The following BMP7 variants were observed in gnomAD, a reference collection of about 807,000 sequenced individuals.
The protein encoded by BMP7 is osteogenic protein 1.
In BMP7, 12 loss-of-function variants were observed where a neutral mutation model predicts 41.2. The observed-to-expected ratio is 0.29, with a 90% CI of 0.19 to 0.47. BMP7 has a LOEUF of 0.47. BMP7 is among the 20% of genes least tolerant of loss of function. The pLI, the probability that BMP7 is intolerant of heterozygous loss-of-function variation, is 0.99. For missense variants in BMP7, 467 were observed against 606.0 expected, an observed-to-expected ratio of 0.77 and a Z score of 2.41; for synonymous variants, 248 against 250.0, an observed-to-expected ratio of 0.99 and a Z score of 0.07.
At chr20:57,186,348 C>G (rs1984211383) in intron 3 of BMP7, among the ~76,000 whole-genome samples, 1 of 152,212 alleles carries the variant, frequency 6.6e-6, no homozygotes, top group Non-Finnish European at 1.5e-5. Flanking sequence ...ATAGAGGGAG[C>G]AAACTCCGTG....
intron 2 of BMP7, among the ~76,000 whole-genome samples, chr20:57,217,903 CTG>C (rs1283969026): frequency 2.0e-5 from 3 of 152,204 alleles, no homozygotes; most frequent in Non-Finnish European, 2.9e-5. Flanking sequence ...TGTGCTGTGT[CTG>C]TGTCTGTGTT....
chr20:57,182,084 G>A (rs1330829203), intron 4 of BMP7, among the ~76,000 whole-genome samples: 1 of 152,202 alleles, frequency 6.6e-6, no homozygotes, highest in Non-Finnish European at 1.5e-5. Flanking sequence ...GAGCAAACTG[G>A]GCTCCTTGGA....
At position 57,171,058 on chromosome 20, in the gene BMP7, C is replaced by T. The variant is rs376461446; in HGVS notation, c.1197G>A (p.Thr399=). The change falls in exon 7 of 7, where the codon ACG becomes ACA. Residue 399 remains threonine, a synonymous_variant. Coordinates refer to ENST00000395863, the MANE Select transcript of BMP7 (RefSeq NM_001719.3). The surrounding 1 kb of genome is among the most constrained non-coding windows in gnomAD (Gnocchi z 4.5). ...ETVPKPCCAP[T]QLNAISVLYF... ...AGAGGACGGAGATGGCATTGAGCTGCGTGGGCGCACAGCAGGGCTTGGGCA... is the reference window on the plus strand; with the variant it reads ...AGAGGACGGAGATGGCATTGAGCTGTGTGGGCGCACAGCAGGGCTTGGGCA... 42 of 1,614,132 alleles carry T rather than the reference C, an allele frequency of 2.6e-5. No individual in the cohort carries two copies. The African/African-American group carries it at 5.2e-4, about 20-fold the overall frequency.
chr20:57,254,822 C>T (rs902004917), intron 1 of BMP7, among the ~76,000 whole-genome samples: 5 of 152,032 alleles, frequency 3.3e-5, no homozygotes, highest in Admixed American at 6.6e-5. Context: ...CTGGGACATA[C>T]GGAAAAAAAC....
At chr20:57,251,579 G>A (rs1044316819) in intron 1 of BMP7, among the ~76,000 whole-genome samples, 1 of 151,820 alleles carries the variant, frequency 6.6e-6, no homozygotes, top group African/African-American at 2.4e-5. Flanking sequence ...TGAACATGGA[G>A]GGGGGGCAGG....
chr20:57,244,048 C>G (rs1353818272), intron 1 of BMP7: 1 of 152,228 alleles, frequency 6.6e-6, no homozygotes, highest in Non-Finnish European at 1.5e-5. Flanking sequence ...ACTGACTCCA[C>G]TGGGCTGCCA....
chr20:57,249,373 C>T (rs962325566), intron 1 of BMP7, among the ~76,000 whole-genome samples: 1 of 152,066 alleles, frequency 6.6e-6, no homozygotes, highest in African/African-American at 2.4e-5. Context: ...AAGCAGTGAT[C>T]TGCTGCAACA....
At position 57,213,989 on chromosome 20, in the gene BMP7, C is replaced by CATGGGATT. The variant is rs960364515; in HGVS notation, c.612-11374_612-11367dup. ...CTCAATGTCAGTGTGAATCTTCCAC[C>CATGGGATT]ATGGGATTCAAGCTGCCTTGGCTCT... On this transcript the variant is annotated intron_variant, in intron 2 of 6. Coordinates refer to ENST00000395863, the MANE Select transcript of BMP7 (RefSeq NM_001719.3). This position sits in a 1 kb window ranked among gnomAD's most constrained non-coding sequence, Gnocchi z 4.4. Among the ~76,000 whole-genome samples, 33 of 152,316 alleles carry CATGGGATT rather than the reference C, an allele frequency of 2.2e-4. No individual in the cohort carries two copies. Among genetic ancestry groups the CATGGGATT allele is most frequent in the African/African-American group, 7.9e-4 (33 of 41,562 alleles).
intron 2 of BMP7, among the ~76,000 whole-genome samples, chr20:57,218,844 G>A (rs1296550988): frequency 6.7e-6 from 1 of 148,668 alleles, no homozygotes; most frequent in Non-Finnish European, 1.5e-5. Flanking sequence ...GGTGGTAGCT[G>A]GTATGTGTTT....
In BMP7 at chr20:57,213,921, C is replaced by T. The variant is rs1382048649; in HGVS notation, c.612-11298G>A. 2.6e-5 allele frequency among the ~76,000 whole-genome samples: 4 copies of T among 152,184 alleles called. No individual in the cohort carries two copies. Among genetic ancestry groups the T allele is most frequent in the African/African-American group, 4.8e-5 (2 of 41,442 alleles). ...TGGAAAGATATGCTCAAGATGCCAG[C>T]GCAAAGCCAGAGACTCAAGGTTCGC... On this transcript the variant is annotated intron_variant, in intron 2 of 6. Coordinates refer to ENST00000395863, the MANE Select transcript of BMP7 (RefSeq NM_001719.3). The surrounding 1 kb of genome is among the most constrained non-coding windows in gnomAD (Gnocchi z 4.4).
rs947225095 is a variant in BMP7, at chr20:57,215,856, C to T, written c.611+12373G>A. The T allele has an allele frequency of 6.6e-6, 1 of 151,990 alleles. No homozygotes were observed. The highest frequency in any genetic ancestry group is 1.5e-5 in the Non-Finnish European group (1 of 68,024). 9.4% of individuals were successfully genotyped at this position (151,990 alleles called of 1,614,324 possible). On this transcript the variant is annotated intron_variant, in intron 2 of 6. Transcript: ENST00000395863. This position sits in a 1 kb window ranked among gnomAD's most constrained non-coding sequence, Gnocchi z 4.2. ...AGCACACTCAAGGAATAAACAAGCACCACAAATACAGTCTTCGGGCTGGGT... is the reference window on the plus strand; with the variant it reads ...AGCACACTCAAGGAATAAACAAGCATCACAAATACAGTCTTCGGGCTGGGT...
At chr20:57,194,792 C>T (rs1429202303) in intron 3 of BMP7, among the ~76,000 whole-genome samples, 1 of 152,214 alleles carries the variant, frequency 6.6e-6, no homozygotes, top group African/African-American at 2.4e-5. Context: ...GCAAAGTCAC[C>T]TACCGGGGAC....
intron 1 of BMP7, among the ~76,000 whole-genome samples, chr20:57,255,014 G>A (rs979366851): frequency 6.6e-6 from 1 of 152,124 alleles, no homozygotes; most frequent in Admixed American, 6.5e-5. Flanking sequence ...GAGAGGGGAG[G>A]TATCACAAGC....
At chr20:57,194,717 G>T (rs939464616) in intron 3 of BMP7, among the ~76,000 whole-genome samples, 1 of 152,182 alleles carries the variant, frequency 6.6e-6, no homozygotes, top group Non-Finnish European at 1.5e-5. Context: ...ATCGCTCCTC[G>T]CTGGAATCTC....
At chr20:57,185,683 T>C (rs1434829946) in intron 3 of BMP7, among the ~76,000 whole-genome samples, 1 of 152,210 alleles carries the variant, frequency 6.6e-6, no homozygotes, top group Non-Finnish European at 1.5e-5. Context: ...AGCTCTGGGC[T>C]AGTGAGGGAG....
In BMP7 at chr20:57,213,109, G is replaced by A. The variant is rs980731099; in HGVS notation, c.612-10486C>T. ...TATCCTCCTGCCCCAGACAGAGCTC[G>A]GGTGGCCACCCACGGCCCTCTCACC... On this transcript the variant is annotated intron_variant, in intron 2 of 6. Coordinates refer to ENST00000395863, the MANE Select transcript of BMP7 (RefSeq NM_001719.3). This position sits in a 1 kb window ranked among gnomAD's most constrained non-coding sequence, Gnocchi z 4.4. Among the ~76,000 whole-genome samples, 8 of 152,314 alleles carry A rather than the reference G, an allele frequency of 5.3e-5. No homozygotes were observed. The highest frequency in any genetic ancestry group is 1.9e-4 in the East Asian group (1 of 5,172).
intron 4 of BMP7, among the ~76,000 whole-genome samples, chr20:57,181,756 T>A (rs1385505009): frequency 6.6e-6 from 1 of 152,018 alleles, no homozygotes; most frequent in Non-Finnish European, 1.5e-5. Flanking sequence ...CCCACTCATC[T>A]CCACCCCTCT....
In BMP7 at chr20:57,170,125, C is replaced by A. The variant is rs1013575979; in HGVS notation, c.*834G>T. The A allele has an allele frequency of 7.2e-5, 11 of 152,422 alleles. No individual in the cohort carries two copies. The highest frequency in any genetic ancestry group is 2.7e-4 in the African/African-American group (11 of 41,404). 9.4% of individuals were successfully genotyped at this position (152,422 alleles called of 1,614,324 possible). On this transcript the variant is annotated 3_prime_UTR_variant, in exon 7 of 7. Coordinates refer to ENST00000395863, the MANE Select transcript of BMP7 (RefSeq NM_001719.3). ...CTACTTGCTGTCCTTGTCCCCTCTG[C>A]AATTTCACATGGATTTACTACCACT...
chr20:57,232,542 A>G (rs1224340966), intron 1 of BMP7, among the ~76,000 whole-genome samples: 2 of 152,236 alleles, frequency 1.3e-5, no homozygotes, highest in African/African-American at 4.8e-5. Context: ...CACAAACACA[A>G]GGTTTGTTAC....
Sources: gnomAD v4.1 joint callset for allele counts (sites outside exome capture counted in the v4.1 genomes callset) on GRCh38, gnomAD v4.1.1 for gene constraint, Gnocchi (gnomAD v3.1) non-coding constraint, MANE v1.5 for transcripts, NCBI Gene and HGNC (gene_info 2026-07-23, HGNC 2026-07-21) for gene names.